The following TTC29 variants were observed in gnomAD, a reference collection of about 807,000 sequenced individuals.
The protein encoded by TTC29 is tetratricopeptide repeat domain 29, also known as tetratricopeptide repeat protein 29.
A neutral mutation model predicts 58.1 loss-of-function variants in TTC29; 49 were observed. That is an observed-to-expected ratio of 0.84 (90% confidence interval 0.67 to 1.07). TTC29 has a LOEUF of 1.07. Among genes scored for constraint, TTC29 ranks in the 50% least tolerant of loss-of-function variants. The probability of loss-of-function intolerance (pLI) is 0.00; values close to 1 mark genes in which losing one functional copy is unlikely to be tolerated. For missense variants in TTC29, 582 were observed against 555.6 expected (o/e 1.05, Z -0.48); for synonymous variants, 209 against 196.8 (o/e 1.06, Z -0.52).
intron 6 of TTC29, among the ~76,000 whole-genome samples, chr4:146,880,064 C>T (rs572369420): frequency 2.6e-5 from 4 of 151,262 alleles, no homozygotes; most frequent in Non-Finnish European, 4.5e-5. Flanking sequence ...AGATAGTCCA[C>T]CAACATTTCA....
At chr4:146,760,865 C>CTA (rs34185770) in intron 11 of TTC29, among the ~76,000 whole-genome samples, 3,311 of 97,896 alleles carry the variant, frequency 0.034, 89 homozygotes, top group African/African-American at 0.043. Flanking sequence ...TGATGGAATA[C>CTA]TATATATATA....
intron 11 of TTC29, among the ~76,000 whole-genome samples, chr4:146,744,682 T>A (rs2150039519): frequency 6.6e-6 from 1 of 152,208 alleles, no homozygotes; most frequent in South Asian, 2.1e-4. Flanking sequence ...CCCACAGGTG[T>A]TGTATATGCC....
chr4:146,876,534 G>T (rs761646068), intron 6 of TTC29, among the ~76,000 whole-genome samples: 4 of 152,076 alleles, frequency 2.6e-5, no homozygotes, highest in Admixed American at 2.6e-4. Flanking sequence ...TTGTTGCATT[G>T]AATTTGTTAC....
At position 146,706,631 on chromosome 4, in the gene TTC29, T is replaced by G. The variant is rs1741982893; in HGVS notation, c.*527A>C. 6.6e-6 allele frequency: 1 copy of G among 152,166 alleles called. No homozygotes were observed. 9.4% of individuals were successfully genotyped at this position (152,166 alleles called of 1,614,324 possible). ...CTTAGTTAAACTTTTTAAGTTGACA[T>G]GGATAAGTTTTATTATGTGCTATCA... On this transcript the variant is annotated 3_prime_UTR_variant, in exon 13 of 13. Coordinates refer to ENST00000325106, the MANE Select transcript of TTC29 (RefSeq NM_031956.4).
intron 11 of TTC29, chr4:146,763,667 CT>C (rs1747078875): frequency 6.6e-6 from 1 of 152,028 alleles, no homozygotes; most frequent in Admixed American, 6.6e-5. Flanking sequence ...AAAAGATATT[CT>C]TTCAGTGAAT....
At chr4:146,926,742 C>T (rs1223229140) in intron 4 of TTC29, among the ~76,000 whole-genome samples, 2 of 152,106 alleles carry the variant, frequency 1.3e-5, no homozygotes, top group South Asian at 2.1e-4. Flanking sequence ...GGATTACAGA[C>T]GCGAACCACC....
intron 11 of TTC29, among the ~76,000 whole-genome samples, chr4:146,742,780 T>C (rs1367349569): frequency 7.0e-6 from 1 of 143,246 alleles, no homozygotes; most frequent in Non-Finnish European, 1.5e-5. Context: ...TCCTTTCCTT[T>C]CTTTTCCTCC....
chr4:146,856,316 AT>A (rs1249771332), intron 8 of TTC29, among the ~76,000 whole-genome samples: 1 of 152,130 alleles, frequency 6.6e-6, no homozygotes. Context: ...TAAAAAACGA[AT>A]AAGTAAAATA....
At chr4:146,904,723 T>C (rs1733407077) in intron 5 of TTC29, among the ~76,000 whole-genome samples, 1 of 152,204 alleles carries the variant, frequency 6.6e-6, no homozygotes, top group Non-Finnish European at 1.5e-5. Flanking sequence ...AATTCACTGA[T>C]ATTAATTGTT....
In TTC29 at chr4:146,803,500, T is replaced by C. The variant is rs750580153; in HGVS notation, c.1287A>G (p.Ser429=). Residue 429 remains serine, a synonymous_variant, in exon 11 of 13, where the codon TCA becomes TCG. Transcript: ENST00000325106. ...CAATGTTACCTCTGCTCTCCTTCCA[T>C]GACAGCAGGTAGTTGAGGCTGGTGA... The part of the protein sequence containing the change: ...ADLTSLNYLL[S]WKESRGNIEP... The C allele has an allele frequency of 4.4e-6, 7 of 1,598,508 alleles. No individual in the cohort carries two copies. The highest frequency in any genetic ancestry group is 1.7e-5 in the Admixed American group (1 of 57,968).
intron 10 of TTC29, among the ~76,000 whole-genome samples, chr4:146,813,614 T>C (rs1161509849): frequency 6.6e-6 from 1 of 152,198 alleles, no homozygotes; most frequent in East Asian, 1.9e-4. Flanking sequence ...GCAGGAGTAA[T>C]ATGAAGCCAG....
intron 10 of TTC29, among the ~76,000 whole-genome samples, chr4:146,804,961 C>T (rs562630806): frequency 7.2e-5 from 11 of 152,252 alleles, no homozygotes; most frequent in South Asian, 4.1e-4. Context: ...CAGCAGGGGT[C>T]GACAGACACC....
At chr4:146,723,016 G>T (rs1299176800) in intron 11 of TTC29, among the ~76,000 whole-genome samples, 2 of 152,090 alleles carry the variant, frequency 1.3e-5, no homozygotes, top group Non-Finnish European at 2.9e-5. Context: ...AGATTTAAAT[G>T]CAGGCAGATC....
chr4:146,865,278 C>A (rs993971837), intron 8 of TTC29, among the ~76,000 whole-genome samples: 1 of 152,192 alleles, frequency 6.6e-6, no homozygotes, highest in East Asian at 1.9e-4. Context: ...TCTGATGAAA[C>A]TGTTCACTGC....
chr4:146,920,692 G>A (rs561455976), intron 4 of TTC29, among the ~76,000 whole-genome samples: 1 of 150,872 alleles, frequency 6.6e-6, no homozygotes, highest in Non-Finnish European at 1.5e-5. Flanking sequence ...ACACTCTCTT[G>A]AGCCCCTTTT....
intron 11 of TTC29, among the ~76,000 whole-genome samples, chr4:146,794,590 C>T (rs1043505229): frequency 3.9e-5 from 6 of 151,960 alleles, no homozygotes; most frequent in Admixed American, 2.0e-4. Flanking sequence ...CTTGAAGCTT[C>T]ATTTCATTTC....
chr4:146,798,186 G>T (rs886656480), intron 11 of TTC29, among the ~76,000 whole-genome samples: 2 of 151,998 alleles, frequency 1.3e-5, no homozygotes, highest in Non-Finnish European at 2.9e-5. Context: ...GAGGGAAGAG[G>T]TAGCCACAAA....
At chr4:146,733,722 G>A (rs1239186194) in intron 11 of TTC29, among the ~76,000 whole-genome samples, 2 of 152,076 alleles carry the variant, frequency 1.3e-5, no homozygotes, top group Non-Finnish European at 2.9e-5. Context: ...TTGGGGAAAT[G>A]GAAGTATTAT....
intron 4 of TTC29, among the ~76,000 whole-genome samples, chr4:146,921,790 C>T (rs953084751): frequency 2.0e-5 from 3 of 150,754 alleles, no homozygotes; most frequent in Admixed American, 6.6e-5. Context: ...CAGCCTCACA[C>T]TAATATTTAG....
Sources: gnomAD v4.1 joint callset for allele counts (sites outside exome capture counted in the v4.1 genomes callset) on GRCh38, gnomAD v4.1.1 for gene constraint, MANE v1.5 for transcripts, NCBI Gene and HGNC (gene_info 2026-07-23, HGNC 2026-07-21) for gene names.